The following RAB40B variants were observed in gnomAD, a reference collection of about 807,000 sequenced individuals.
RAB40B encodes the protein RAB40B, member RAS oncogene family, also known as ras-related protein Rab-40B.
A neutral mutation model predicts 24.0 loss-of-function variants in RAB40B; 21 were observed. The ratio of observed to expected loss-of-function variants is 0.88; its 90% CI spans 0.62 to 1.26. The LOEUF (loss-of-function observed/expected upper bound fraction) is 1.26, where lower values mean the gene tolerates loss of function less well. Ranked by LOEUF, RAB40B falls within the 50% of genes most tolerant of loss-of-function variation. The pLI, the probability that RAB40B is intolerant of heterozygous loss-of-function variation, is 0.00. For missense variants in RAB40B, 348 were observed against 390.5 expected (o/e 0.89, Z 0.92); for synonymous variants, 167 against 169.8 (o/e 0.98, Z 0.13).
chr17:82,676,437 T>C (rs1321623400), intron 1 of RAB40B, among the ~76,000 whole-genome samples: 358 of 76,010 alleles, frequency 4.7e-3, no homozygotes, highest in Admixed American at 5.2e-3. Flanking sequence ...CAACAGCCTC[T>C]CCCCCCCCAC....
intron 1 of RAB40B, among the ~76,000 whole-genome samples, chr17:82,691,096 T>A (rs1446263984): frequency 6.6e-6 from 1 of 152,166 alleles, no homozygotes; most frequent in South Asian, 2.1e-4. Context: ...CACCCCGGTG[T>A]GTCCACGCAC....
At chr17:82,677,017 C>T (rs1179221245) in intron 1 of RAB40B, among the ~76,000 whole-genome samples, 1 of 151,566 alleles carries the variant, frequency 6.6e-6, no homozygotes, top group East Asian at 1.9e-4. Flanking sequence ...GGCACGATCT[C>T]GGCTCACCGC....
intron 1 of RAB40B, among the ~76,000 whole-genome samples, chr17:82,691,674 T>G (rs1301658333): frequency 6.6e-6 from 1 of 151,892 alleles, no homozygotes. Context: ...AGAGCGAGAC[T>G]CCATCTCAAA....
chr17:82,665,960 C>T (rs532973282), intron 1 of RAB40B, among the ~76,000 whole-genome samples: 7 of 151,968 alleles, frequency 4.6e-5, no homozygotes, highest in African/African-American at 1.4e-4. Flanking sequence ...TCCCCCTCGC[C>T]CAGGCTCTAG....
rs1568049411 is a variant in RAB40B at position 82,697,915 on chromosome 17, G to C, written c.142+540C>G. 6.6e-6 allele frequency among the ~76,000 whole-genome samples: 1 copy of C among 152,042 alleles called. No individual in the cohort carries two copies. Among genetic ancestry groups the C allele is most frequent in the Non-Finnish European group, 1.5e-5 (1 of 67,976 alleles). On this transcript the variant is annotated intron_variant, in intron 1 of 5. Transcript: ENST00000571995. This position sits in a 1 kb window ranked among gnomAD's most constrained non-coding sequence, Gnocchi z 4.9. ...CGGACACGCGGGACCCCTGGCCTCGGGACCGGACCCTGGTCTCCCCTCCCC... is the reference window on the plus strand; with the variant it reads ...CGGACACGCGGGACCCCTGGCCTCGCGACCGGACCCTGGTCTCCCCTCCCC...
intron 1 of RAB40B, among the ~76,000 whole-genome samples, chr17:82,684,697 C>T (rs114733951): frequency 1.7e-4 from 26 of 152,254 alleles, no homozygotes; most frequent in African/African-American, 5.8e-4. Flanking sequence ...GATGCAGGCA[C>T]GTTGGAGGCT....
chr17:82,684,884 C>A (rs1012537747), intron 1 of RAB40B, among the ~76,000 whole-genome samples: 2 of 152,062 alleles, frequency 1.3e-5, no homozygotes, highest in African/African-American at 4.8e-5. Flanking sequence ...GAGGTCGAGG[C>A]GGGTGGATCA....
chr17:82,673,503 A>C (rs1249436782), intron 1 of RAB40B, among the ~76,000 whole-genome samples: 1 of 152,178 alleles, frequency 6.6e-6, no homozygotes, highest in Admixed American at 6.5e-5. Flanking sequence ...GGTGCATGGA[A>C]GAAGGTAGTA....
In RAB40B at chr17:82,678,240, T is replaced by C. The variant is rs563535963; in HGVS notation, c.143-13684A>G. On this transcript the variant is annotated intron_variant, in intron 1 of 5. Transcript: ENST00000571995. ...GAGAAACTAAGAAACATTTTTGACA[T>C]CAGCAGTGTTAGCGTTAGGATAATA... 1.6e-4 allele frequency among the ~76,000 whole-genome samples: 24 copies of C among 152,328 alleles called. 1 individual carries two copies. The East Asian group carries it at 4.0e-3, about 26-fold the overall frequency.
Position 82,687,946 on chromosome 17 carries a change from C to G in RAB40B, c.142+10509G>C, listed in dbSNP as rs569631891. 6.7e-4 allele frequency among the ~76,000 whole-genome samples: 102 copies of G among 152,178 alleles called. 1 individual carries two copies. In the South Asian group the frequency reaches 7.5e-3, roughly 11 times the overall value. Reference sequence around the variant, plus strand: ...AATTAGCCGGGCATGGTGGCATGCACCTATAGTCCCAGCCAACTGGGGGGC... The same window carrying G: ...AATTAGCCGGGCATGGTGGCATGCAGCTATAGTCCCAGCCAACTGGGGGGC... On this transcript the variant is annotated intron_variant, in intron 1 of 5. Transcript: ENST00000571995.
chr17:82,658,075 C>G lies in RAB40B; in HGVS notation c.625G>C (p.Val209Leu). 6.2e-7 allele frequency: 1 copy of G among 1,614,170 alleles called. No individual in the cohort carries two copies. Among genetic ancestry groups the G allele is most frequent in the South Asian group, 1.1e-5 (1 of 91,078 alleles). ...GCAATGGGGAGCGGGAGCTTGTCCA[C>G]CAGGTGCACCGGCGTGCAGGACACG... ...AVVSCTPVHL[V>L]DKLPLPIALR... is the part of the protein sequence containing the mutation. Residue 209 changes from valine (V) to leucine (L), a missense_variant, in exon 6 of 6, where the codon GTG becomes CTG. Physicochemically the swap from Val to Leu is conservative, Grantham distance 32. Around this residue, in one of 3 missense-constraint regions of RAB40B, gnomAD observed 121 missense variants for 124.0 expected, o/e 0.98. Coordinates refer to ENST00000571995, the MANE Select transcript of RAB40B (RefSeq NM_006822.3).
Position 82,655,057 on chromosome 17 carries a change from C to T in RAB40B, c.*2806G>A, listed in dbSNP as rs940834606. On this transcript the variant is annotated 3_prime_UTR_variant, in exon 6 of 6. Coordinates refer to ENST00000571995, the MANE Select transcript of RAB40B (RefSeq NM_006822.3). ...ACTTAGTCCGGTCTGTATTAGGTTT[C>T]GTCTGTTTTTGTTCTGCCTTGGTTT... The T allele has an allele frequency of 2.0e-5, 3 of 152,210 alleles. No individual in the cohort carries two copies. Among genetic ancestry groups the T allele is most frequent in the Non-Finnish European group, 2.9e-5 (2 of 68,054 alleles). The allele number at this position is 152,210 out of a possible 1,614,324, so 9.4% of individuals were successfully genotyped here.
intron 2 of RAB40B, 24 bp downstream of exon 2, chr17:82,664,472 C>A: frequency 6.2e-7 from 1 of 1,609,214 alleles, no homozygotes; most frequent in Non-Finnish European, 8.5e-7. Context: ...GGGTGCGGGA[C>A]GCTCGCACCT....
At chr17:82,678,955 T>G (rs1023950291) in intron 1 of RAB40B, among the ~76,000 whole-genome samples, 4 of 137,626 alleles carry the variant, frequency 2.9e-5, no homozygotes, top group African/African-American at 5.4e-5. Context: ...CCATCTCGGC[T>G]CACTGCAAGC....
chr17:82,663,695 G>A lies in RAB40B; in HGVS notation c.203+801C>T, dbSNP rs1161671659. ...ACCACAGCCCCGCTGGCACCAGGACGCTCCGAGCTCCCTGCCGGGTGCTCA... is the reference window on the plus strand; with the variant it reads ...ACCACAGCCCCGCTGGCACCAGGACACTCCGAGCTCCCTGCCGGGTGCTCA... On this transcript the variant is annotated intron_variant, in intron 2 of 5. Coordinates refer to ENST00000571995, the MANE Select transcript of RAB40B (RefSeq NM_006822.3). The surrounding 1 kb of genome is among the most constrained non-coding windows in gnomAD (Gnocchi z 6.2). 2.6e-5 allele frequency among the ~76,000 whole-genome samples: 4 copies of A among 152,230 alleles called. No homozygotes were observed. Among genetic ancestry groups the A allele is most frequent in the East Asian group, 3.9e-4 (2 of 5,166 alleles).
intron 3 of RAB40B, among the ~76,000 whole-genome samples, chr17:82,660,234 G>T (rs1188297925): frequency 3.3e-5 from 5 of 150,152 alleles, no homozygotes; most frequent in Non-Finnish European, 7.4e-5. Flanking sequence ...GTGCACACAC[G>T]CAGTTCATGT....
At chr17:82,659,212 G>C in intron 4 of RAB40B, 1 of 308,810 alleles carries the variant, frequency 3.2e-6, no homozygotes, top group South Asian at 4.0e-5. Context: ...ACCACGCCAT[G>C]TCACCATTGC....
intron 1 of RAB40B, among the ~76,000 whole-genome samples, chr17:82,683,347 C>T (rs2143533053): frequency 6.6e-6 from 1 of 152,208 alleles, no homozygotes. Context: ...AACTCTTATT[C>T]TTTAAAAGAT....
intron 4 of RAB40B, 45 bp downstream of exon 4, chr17:82,659,535 C>T: frequency 1.9e-6 from 3 of 1,599,848 alleles, no homozygotes; most frequent in Non-Finnish European, 1.7e-6. Context: ...CTGACGTCCT[C>T]CCAAGCCTAC....
Sources: allele counts gnomAD v4.1 joint callset (sites outside exome capture counted in the v4.1 genomes callset), GRCh38; gene constraint gnomAD v4.1.1; regional missense constraint gnomAD v4.1.1; non-coding constraint Gnocchi (gnomAD v3.1); transcripts MANE v1.5; gene names NCBI Gene and HGNC (gene_info 2026-07-23, HGNC 2026-07-21).